AGPAT5: variants seen among roughly 807,000 people sequenced by gnomAD.
AGPAT5 encodes the protein 1-acylglycerol-3-phosphate O-acyltransferase 5.
In AGPAT5, 46 loss-of-function variants were observed where a neutral mutation model predicts 45.6. That is an observed-to-expected ratio of 1.01 (90% CI 0.80 to 1.29). The LOEUF (loss-of-function observed/expected upper bound fraction) is 1.29. AGPAT5 is among the 50% of genes most tolerant of loss of function. AGPAT5 has a pLI of 0.00. For synonymous variants in AGPAT5, 272 were observed against 167.0 expected, an observed-to-expected ratio of 1.63 and a Z score of -4.85; for missense variants, 673 against 450.7, an observed-to-expected ratio of 1.49 and a Z score of -4.47.
intron 1 of AGPAT5, among the ~76,000 whole-genome samples, chr8:6,712,921 A>G (rs28607557): frequency 0.022 from 3,296 of 152,278 alleles, 120 homozygotes; most frequent in African/African-American, 0.075. Context: ...CTTTTCCCCC[A>G]TTCCTATGCA....
chr8:6,752,414 T>C (rs567079073), intron 6 of AGPAT5, among the ~76,000 whole-genome samples: 1 of 152,354 alleles, frequency 6.6e-6, no homozygotes, highest in South Asian at 2.1e-4. Context: ...CTTCATATTT[T>C]CTTGTGTGTT....
intron 2 of AGPAT5, among the ~76,000 whole-genome samples, chr8:6,727,116 CG>C (rs1203177197): frequency 2.0e-5 from 3 of 152,112 alleles, no homozygotes; most frequent in African/African-American, 7.2e-5. Context: ...ATGTAATTAG[CG>C]GAAAGAATAT....
chr8:6,710,433 G>A (rs1030182605), intron 1 of AGPAT5, among the ~76,000 whole-genome samples: 10 of 152,204 alleles, frequency 6.6e-5, no homozygotes, highest in African/African-American at 2.4e-4. Flanking sequence ...AAGGATGCCT[G>A]AGGACCCTTA....
At chr8:6,732,969 A>G (rs1800917697) in intron 4 of AGPAT5, among the ~76,000 whole-genome samples, 1 of 152,210 alleles carries the variant, frequency 6.6e-6, no homozygotes, top group Non-Finnish European at 1.5e-5. Context: ...TTACAAGCTC[A>G]TCTTACTTCT....
intron 2 of AGPAT5, among the ~76,000 whole-genome samples, chr8:6,728,746 C>G (rs1675032354): frequency 6.6e-6 from 1 of 152,158 alleles, no homozygotes; most frequent in South Asian, 2.1e-4. Context: ...AGAATTAGTT[C>G]TCAGAATTTA....
intron 6 of AGPAT5, 83 bp downstream of exon 6, chr8:6,747,911 G>T: frequency 7.1e-7 from 1 of 1,405,502 alleles, no homozygotes; most frequent in Non-Finnish European, 9.5e-7. Context: ...TTACAAAGTA[G>T]GTTAAGTGTA....
intron 4 of AGPAT5, among the ~76,000 whole-genome samples, chr8:6,735,970 C>T (rs1340607647): frequency 1.3e-5 from 2 of 149,784 alleles, no homozygotes; most frequent in African/African-American, 4.9e-5. Context: ...TCTCCTGCCT[C>T]AGCCTCCTGA....
chr8:6,752,076 C>A (rs1801674926), intron 6 of AGPAT5, among the ~76,000 whole-genome samples: 1 of 152,000 alleles, frequency 6.6e-6, no homozygotes, highest in African/African-American at 2.4e-5. Flanking sequence ...ACTCAGGAGG[C>A]TGAGGTAGGG....
In AGPAT5 at chr8:6,761,321, A is replaced by G. The variant is rs946939625; in HGVS notation, c.*3933A>G. On this transcript the variant is annotated 3_prime_UTR_variant, in exon 8 of 8. Transcript: ENST00000285518. ...TATGTAAGATATGTTCTGCAATTTT[A>G]TAAATGTTCATGTCTTTTTTTAAAA... Among the ~76,000 whole-genome samples, 2 of 151,656 alleles carry G rather than the reference A, an allele frequency of 1.3e-5. No homozygotes were observed.
chr8:6,759,870 T>C lies in AGPAT5; in HGVS notation c.*2482T>C, dbSNP rs552005984. Among the ~76,000 whole-genome samples, 8 of 152,346 alleles carry C rather than the reference T, an allele frequency of 5.3e-5. No individual in the cohort carries two copies. The South Asian group carries it at 1.2e-3, about 24-fold the overall frequency. On this transcript the variant is annotated 3_prime_UTR_variant, in exon 8 of 8. Coordinates refer to ENST00000285518, the MANE Select transcript of AGPAT5 (RefSeq NM_018361.5). ...ATAAATTCATCTGCAATTTATAAGA[T>C]GCATGGCCGATGTTAATTTGCTTGG... is the stretch of plus-strand genomic sequence containing the variant.
At chr8:6,754,794 C>A (rs1049057763) in intron 6 of AGPAT5, among the ~76,000 whole-genome samples, 1 of 152,108 alleles carries the variant, frequency 6.6e-6, no homozygotes, top group Non-Finnish European at 1.5e-5. Context: ...ACATTTGGTA[C>A]TATTGATTTA....
intron 2 of AGPAT5, among the ~76,000 whole-genome samples, chr8:6,728,359 G>T (rs1587019541): frequency 6.6e-6 from 1 of 152,234 alleles, no homozygotes. Context: ...TATCTGAAAG[G>T]TAGCTGAGAA....
At chr8:6,755,334 C>T (rs149508418) in intron 7 of AGPAT5, among the ~76,000 whole-genome samples, 160 bp downstream of exon 7, 1 of 152,208 alleles carries the variant, frequency 6.6e-6, no homozygotes, top group East Asian at 1.9e-4. Flanking sequence ...TTAAACTTTA[C>T]TTGTACAAAT....
At chr8:6,724,034 T>C (rs935615891) in intron 1 of AGPAT5, among the ~76,000 whole-genome samples, 2 of 152,224 alleles carry the variant, frequency 1.3e-5, no homozygotes, top group Non-Finnish European at 2.9e-5. Context: ...TTTACAAGTA[T>C]ACTCCCAGTT....
At chr8:6,736,548 C>G (rs899558503) in intron 4 of AGPAT5, among the ~76,000 whole-genome samples, 5 of 152,206 alleles carry the variant, frequency 3.3e-5, no homozygotes, top group African/African-American at 1.2e-4. Flanking sequence ...ATGGTACTTT[C>G]TTTCCTTGTT....
intron 1 of AGPAT5, among the ~76,000 whole-genome samples, chr8:6,723,632 C>T (rs1219339777): frequency 6.6e-6 from 1 of 152,204 alleles, no homozygotes; most frequent in African/African-American, 2.4e-5. Context: ...TAACTCTGAA[C>T]AGATCAAGCT....
intron 1 of AGPAT5, among the ~76,000 whole-genome samples, chr8:6,716,102 A>ATGACAATG (rs1800320552): frequency 6.6e-6 from 1 of 152,148 alleles, no homozygotes; most frequent in African/African-American, 2.4e-5. Context: ...ATGTTACCCC[A>ATGACAATG]TCTCATTGTC....
intron 7 of AGPAT5, among the ~76,000 whole-genome samples, chr8:6,756,471 C>G (rs987867160): frequency 6.6e-6 from 1 of 152,028 alleles, no homozygotes; most frequent in South Asian, 2.1e-4. Context: ...ACAGAAAATA[C>G]AAAAATTAGC....
At chr8:6,754,046 C>T (rs1292512659) in intron 6 of AGPAT5, among the ~76,000 whole-genome samples, 5 of 152,120 alleles carry the variant, frequency 3.3e-5, no homozygotes, top group African/African-American at 1.2e-4. Flanking sequence ...AATTTGAGGC[C>T]AAAGGTCTCA....
Sources: allele counts gnomAD v4.1 joint callset (sites outside exome capture counted in the v4.1 genomes callset), GRCh38; gene constraint gnomAD v4.1.1; transcripts MANE v1.5; gene names NCBI Gene and HGNC (gene_info 2026-07-23, HGNC 2026-07-21).